TRMT2B: variants seen among roughly 807,000 people sequenced by gnomAD.
TRMT2B encodes the protein tRNA (uracil-5-)-methyltransferase homolog B.
TRMT2B carries 34 observed loss-of-function variants against 39.7 expected under a neutral mutation model. That is an observed-to-expected ratio of 0.86 (90% CI 0.65 to 1.14). TRMT2B has a LOEUF of 1.14. TRMT2B is among the 50% of genes most tolerant of loss of function. The pLI, the probability that TRMT2B is intolerant of heterozygous loss-of-function variation, is 0.00. For synonymous variants in TRMT2B, 132 were observed against 137.3 expected (o/e 0.96, Z 0.27); for missense variants, 318 against 377.2 (o/e 0.84, Z 1.30).
chrX:100,978,865 A>G, the TRMT2B span, among the ~76,000 whole-genome samples: 1 of 108,887 alleles, frequency 9.2e-6, no homozygotes. Flanking sequence ...AGGTTTTTTG[A>G]TTTGAAGTTA....
chrX:101,051,175 G>C, intron 2 of TRMT2B, 76 bp downstream of exon 2: 2 of 579,764 alleles, frequency 3.4e-6, no homozygotes, highest in Non-Finnish European at 4.2e-6. Flanking sequence ...GTCCAGAGTA[G>C]CCCAAATAGG....
chrX:101,002,922 G>T, the TRMT2B span, among the ~76,000 whole-genome samples: 1 of 111,128 alleles, frequency 9.0e-6, no homozygotes, highest in African/African-American at 3.3e-5. Context: ...GCAATCATTT[G>T]TTTTTGAGAC....
intron 13 of TRMT2B, chrX:101,015,618 C>G (rs1337451759): frequency 1.3e-6 from 1 of 748,374 alleles, no homozygotes; most frequent in Non-Finnish European, 1.6e-6. Flanking sequence ...GGTGCAGTCT[C>G]AGCTTACCAA....
the TRMT2B span, among the ~76,000 whole-genome samples, chrX:100,980,643 T>G: frequency 9.9e-5 from 11 of 111,568 alleles, no homozygotes; most frequent in Non-Finnish European, 1.9e-4. Context: ...TCTCTCTCCT[T>G]TCCTCAAGCA....
chrX:101,027,844 T>C (rs1233025587), intron 7 of TRMT2B, among the ~76,000 whole-genome samples: 1 of 111,122 alleles, frequency 9.0e-6, no homozygotes, highest in Non-Finnish European at 1.9e-5. Flanking sequence ...ACTCATCTCC[T>C]CCAACCCAAA....
At chrX:100,975,160 CTA>C in the TRMT2B span, among the ~76,000 whole-genome samples, 1 of 112,090 alleles carries the variant, frequency 8.9e-6, no homozygotes, top group Non-Finnish European at 1.9e-5. Flanking sequence ...ACAAAGCCCT[CTA>C]TGAGTTGGTC....
At chrX:100,996,700 A>C in the TRMT2B span, among the ~76,000 whole-genome samples, 1 of 111,496 alleles carries the variant, frequency 9.0e-6, no homozygotes, top group Non-Finnish European at 1.9e-5. Flanking sequence ...TGGGAGATTA[A>C]GAAAATTTAC....
downstream of TRMT2B, among the ~76,000 whole-genome samples, chrX:101,005,394 C>T (rs2086092966): frequency 9.2e-6 from 1 of 108,217 alleles, no homozygotes; most frequent in African/African-American, 3.4e-5. Flanking sequence ...AGACCATCTC[C>T]CAAAAAAAAG....
At chrX:101,007,108 T>G (rs1172395536), downstream of TRMT2B, among the ~76,000 whole-genome samples, 1 of 111,497 alleles carries the variant, frequency 9.0e-6, no homozygotes, top group South Asian at 3.7e-4. Flanking sequence ...AATCCTGTAT[T>G]TATTCATTAA....
At chrX:101,028,759 CAT>C (rs1317502304) in intron 7 of TRMT2B, among the ~76,000 whole-genome samples, 1 of 111,801 alleles carries the variant, frequency 8.9e-6, no homozygotes, top group Non-Finnish European at 1.9e-5. Context: ...GTAATCCCCA[CAT>C]GTTGGGGGAG....
chrX:100,990,347 G>T, the TRMT2B span: 1 of 928,542 alleles, frequency 1.1e-6, no homozygotes, highest in Non-Finnish European at 1.3e-6. Flanking sequence ...GAAAGTAAAA[G>T]AAAGTAACAG....
intron 7 of TRMT2B, among the ~76,000 whole-genome samples, chrX:101,032,383 C>T (rs2087530297): frequency 1.9e-5 from 2 of 107,848 alleles, no homozygotes; most frequent in Admixed American, 1.0e-4. Flanking sequence ...GTCAGGAGAT[C>T]GAGACCATCC....
the TRMT2B span, chrX:100,973,555 T>C: frequency 2.1e-6 from 2 of 932,469 alleles, no homozygotes; most frequent in Non-Finnish European, 3.0e-6. Flanking sequence ...AATGAAGTAA[T>C]AGACTTCTAA....
chrX:100,979,282 A>G, the TRMT2B span, among the ~76,000 whole-genome samples: 1 of 111,322 alleles, frequency 9.0e-6, no homozygotes, highest in Admixed American at 9.6e-5. Flanking sequence ...AGATTGAAGT[A>G]CTCCCTTTGG....
At chrX:101,024,137 C>T (rs758001678) in intron 7 of TRMT2B, among the ~76,000 whole-genome samples, 102 of 111,325 alleles carry the variant, frequency 9.2e-4, no homozygotes, top group African/African-American at 3.0e-3. Flanking sequence ...CGTGAGCCAC[C>T]GCACCATGCC....
intron 7 of TRMT2B, among the ~76,000 whole-genome samples, chrX:101,031,505 C>T (rs2087455496): frequency 9.0e-6 from 1 of 111,485 alleles, no homozygotes; most frequent in Admixed American, 9.6e-5. Context: ...GTCAACAGTT[C>T]GAGACCAGTC....
intron 13 of TRMT2B, among the ~76,000 whole-genome samples, chrX:101,016,949 C>T (rs929862222): frequency 4.5e-5 from 5 of 111,235 alleles, no homozygotes; most frequent in African/African-American, 1.3e-4. Context: ...CCAAGGTGGG[C>T]GGGTCACGAG....
chrX:101,026,009 CAGAA>C (rs753372752), intron 7 of TRMT2B, among the ~76,000 whole-genome samples: 4 of 77,302 alleles, frequency 5.2e-5, no homozygotes, highest in Admixed American at 2.0e-4. Context: ...GAAAGAGAGA[CAGAA>C]AGAGAGAGAA....
chrX:101,024,276 C>T (rs2086946591), intron 7 of TRMT2B, among the ~76,000 whole-genome samples: 1 of 111,726 alleles, frequency 9.0e-6, no homozygotes. Flanking sequence ...CAGCAGAAAC[C>T]AAATCAGTGG....
Sources: allele counts gnomAD v4.1 joint callset (sites outside exome capture counted in the v4.1 genomes callset), GRCh38; gene constraint gnomAD v4.1.1; transcripts MANE v1.5; gene names NCBI Gene and HGNC (gene_info 2026-07-23, HGNC 2026-07-21).